SORCS3: variants seen among roughly 807,000 people sequenced by gnomAD.
The protein encoded by SORCS3 is sortilin related VPS10 domain containing receptor 3.
In SORCS3, 57 loss-of-function variants were observed where a neutral mutation model predicts 146.3. The observed-to-expected ratio is 0.39, with a 90% CI of 0.31 to 0.49. SORCS3 has a LOEUF of 0.49. Ranked by LOEUF, SORCS3 falls within the 20% of genes least tolerant of loss-of-function variation. The pLI is 0.92. For synonymous variants in SORCS3, 653 were observed against 618.5 expected (o/e 1.06, Z -0.83); for missense variants, 1,341 against 1,575.5 (o/e 0.85, Z 2.52).
At chr10:105,031,896 G>T (rs2055270001) in intron 4 of SORCS3, among the ~76,000 whole-genome samples, 1 of 152,052 alleles carries the variant, frequency 6.6e-6, no homozygotes, top group African/African-American at 2.4e-5. Flanking sequence ...TTGTTTCCTT[G>T]AAAATGTTTC....
intron 1 of SORCS3, among the ~76,000 whole-genome samples, chr10:104,797,125 G>A (rs1589502824): frequency 6.6e-6 from 1 of 152,200 alleles, no homozygotes. Context: ...TAAGAAGGAT[G>A]AAATTCCTTG....
At chr10:104,713,407 A>G (rs2016441726) in intron 1 of SORCS3, among the ~76,000 whole-genome samples, 1 of 152,150 alleles carries the variant, frequency 6.6e-6, no homozygotes, top group South Asian at 2.1e-4. Flanking sequence ...TTCTTAGCTC[A>G]TGTCATCATG....
At chr10:104,891,652 G>A (rs1242983506) in intron 2 of SORCS3, among the ~76,000 whole-genome samples, 1 of 152,048 alleles carries the variant, frequency 6.6e-6, no homozygotes, top group African/African-American at 2.4e-5. Context: ...TGTTTTATTA[G>A]TTCTTAAATT....
chr10:104,754,441 T>C (rs879753597), intron 1 of SORCS3, among the ~76,000 whole-genome samples: 22 of 152,212 alleles, frequency 1.4e-4, no homozygotes, highest in Non-Finnish European at 2.5e-4. Context: ...GCCCTTATAC[T>C]GTAACCTTTA....
intron 3 of SORCS3, among the ~76,000 whole-genome samples, chr10:104,963,425 C>A (rs1744335120): frequency 6.6e-6 from 1 of 152,154 alleles, no homozygotes; most frequent in Admixed American, 6.6e-5. Context: ...ACACTCTTCC[C>A]TAATATACTT....
chr10:104,989,485 T>C (rs892666751), intron 4 of SORCS3, among the ~76,000 whole-genome samples: 3 of 152,184 alleles, frequency 2.0e-5, no homozygotes, highest in Non-Finnish European at 4.4e-5. Flanking sequence ...AGGAGTGGAA[T>C]ATAAGGAGAA....
Position 105,037,372 on chromosome 10 carries a change from T to C in SORCS3, c.955-5683T>C, listed in dbSNP as rs192791392. On this transcript the variant is annotated intron_variant, in intron 4 of 26. Transcript: ENST00000369701. ...GCTGCTGTGACAAAGCCCCATGAAC[T>C]TGGTGACTTGAAGTAACAGAAATAT... 2.6e-5 allele frequency among the ~76,000 whole-genome samples: 4 copies of C among 152,302 alleles called. No homozygotes were observed. The East Asian group carries it at 7.7e-4, about 29-fold the overall frequency.
rs896158803 is a variant in SORCS3 at position 105,265,175 on chromosome 10, C to G, written c.*1801C>G. ...GTTTTATTGTTCCACTTGAATATTTCTACTGTAAAAAAAAGACAGTGGTTT... is the reference window on the plus strand; with the variant it reads ...GTTTTATTGTTCCACTTGAATATTTGTACTGTAAAAAAAAGACAGTGGTTT... On this transcript the variant is annotated 3_prime_UTR_variant, in exon 27 of 27. Transcript: ENST00000369701. The G allele has an allele frequency of 6.6e-6, 1 of 152,372 alleles. No individual in the cohort carries two copies. The highest frequency in any genetic ancestry group is 1.5e-5 in the Non-Finnish European group (1 of 67,996). The allele number at this position is 152,372 out of a possible 1,614,324, so 9.4% of individuals were successfully genotyped here.
rs924732985 is a variant in SORCS3 at position 105,152,694 on chromosome 10, C to T, written c.1483-4444C>T. On this transcript the variant is annotated intron_variant, in intron 9 of 26. Coordinates refer to ENST00000369701, the MANE Select transcript of SORCS3 (RefSeq NM_014978.3). ...AAATAAAATTAAAAATTAGTTTCTT[C>T]GTTCCCGTAGCCACATTTCAAGCCA... 4.4e-4 allele frequency among the ~76,000 whole-genome samples: 67 copies of T among 152,272 alleles called. 1 individual carries two copies. The highest frequency in any genetic ancestry group is 1.6e-3 in the African/African-American group (65 of 41,560).
chr10:105,018,943 C>T (rs1266519649), intron 4 of SORCS3, among the ~76,000 whole-genome samples: 29 of 152,156 alleles, frequency 1.9e-4, no homozygotes, highest in Admixed American at 1.8e-3. Context: ...ATGCTCCATC[C>T]ATTCTTCCTG....
chr10:105,010,209 A>G (rs2055125892), intron 4 of SORCS3, among the ~76,000 whole-genome samples: 1 of 152,218 alleles, frequency 6.6e-6, no homozygotes, highest in South Asian at 2.1e-4. Flanking sequence ...AGAGGAGCTC[A>G]TGAAGAAACA....
At chr10:104,671,324 C>CTTTTTTTTTTTTTTT (rs1564655720) in intron 1 of SORCS3, among the ~76,000 whole-genome samples, 1 of 17,530 alleles carries the variant, frequency 5.7e-5, no homozygotes, top group Non-Finnish European at 1.4e-4. Context: ...TCATTCTTTT[C>CTTTTTTTTTTTTTTT]CTTTTTTTTT....
At chr10:104,827,082 C>T (rs1454758520) in intron 1 of SORCS3, among the ~76,000 whole-genome samples, 1 of 152,188 alleles carries the variant, frequency 6.6e-6, no homozygotes, top group Non-Finnish European at 1.5e-5. Flanking sequence ...GTTACTTTGT[C>T]CACTGAAGTC....
At chr10:104,750,062 G>A (rs1189995299) in intron 1 of SORCS3, among the ~76,000 whole-genome samples, 1 of 152,148 alleles carries the variant, frequency 6.6e-6, no homozygotes, top group Non-Finnish European at 1.5e-5. Context: ...GCAAAGACAA[G>A]GTGTGTGCAG....
intron 4 of SORCS3, among the ~76,000 whole-genome samples, chr10:105,026,878 T>C (rs1277292254): frequency 6.6e-6 from 1 of 152,210 alleles, no homozygotes; most frequent in Non-Finnish European, 1.5e-5. Flanking sequence ...TATTGGGTGC[T>C]ATGCTCCCTG....
chr10:104,937,921 G>A (rs2019276104), intron 3 of SORCS3, among the ~76,000 whole-genome samples: 1 of 152,204 alleles, frequency 6.6e-6, no homozygotes, highest in South Asian at 2.1e-4. Context: ...GCAGTGCACA[G>A]TGGTTTGGAT....
At chr10:104,944,547 A>C (rs1049365396) in intron 3 of SORCS3, among the ~76,000 whole-genome samples, 1 of 152,250 alleles carries the variant, frequency 6.6e-6, no homozygotes, top group African/African-American at 2.4e-5. Flanking sequence ...AATGGGCAGA[A>C]GACTTAACAG....
chr10:104,695,123 G>C (rs1267544655), intron 1 of SORCS3, among the ~76,000 whole-genome samples: 1 of 152,102 alleles, frequency 6.6e-6, no homozygotes, highest in Non-Finnish European at 1.5e-5. Context: ...GATCAGCTTT[G>C]TGTAATGGAA....
At chr10:105,169,869 C>T (rs2056345430) in intron 13 of SORCS3, among the ~76,000 whole-genome samples, 1 of 152,120 alleles carries the variant, frequency 6.6e-6, no homozygotes, top group African/African-American at 2.4e-5. Flanking sequence ...TCTAAATCTT[C>T]ATAAGAGAGT....
Sources: gnomAD v4.1 joint callset for allele counts (sites outside exome capture counted in the v4.1 genomes callset) on GRCh38, gnomAD v4.1.1 for gene constraint, MANE v1.5 for transcripts, NCBI Gene and HGNC (gene_info 2026-07-23, HGNC 2026-07-21) for gene names.